Variants in PEX14 observed in about 807,000 individuals in gnomAD.
PEX14 encodes peroxisomal biogenesis factor 14.
In PEX14, 15 loss-of-function variants were observed where a neutral mutation model predicts 49.5. That is an observed-to-expected ratio of 0.30 (90% CI 0.20 to 0.47). PEX14 has a LOEUF of 0.47. Ranked by LOEUF, PEX14 falls within the 20% of genes least tolerant of loss-of-function variation. The probability of loss-of-function intolerance (pLI) is 1.00; values close to 1 mark genes in which losing one functional copy is unlikely to be tolerated. For missense variants in PEX14, 398 were observed against 494.8 expected (o/e 0.80, Z 1.86); for synonymous variants, 210 against 212.7 (o/e 0.99, Z 0.11).
At chr1:10,553,888 C>T (rs914691924) in intron 3 of PEX14, among the ~76,000 whole-genome samples, 8 of 152,194 alleles carry the variant, frequency 5.3e-5, no homozygotes, top group African/African-American at 1.7e-4. Context: ...CTTCCCTGCA[C>T]ACCTGTGACA....
At chr1:10,520,085 T>C (rs1638229436) in intron 2 of PEX14, among the ~76,000 whole-genome samples, 2 of 151,118 alleles carry the variant, frequency 1.3e-5, no homozygotes, top group Admixed American at 1.3e-4. Context: ...GGCGATCCTC[T>C]CACTTCAGTC....
At chr1:10,533,239 G>T (rs2480782) in intron 2 of PEX14, among the ~76,000 whole-genome samples, 10,160 of 151,976 alleles carry the variant, frequency 0.067, 505 homozygotes, top group East Asian at 0.15. Context: ...TAGTGATGTC[G>T]ATGCTGTTAA....
At chr1:10,594,199 C>T (rs1442857847) in intron 3 of PEX14, among the ~76,000 whole-genome samples, 2 of 152,190 alleles carry the variant, frequency 1.3e-5, no homozygotes, top group African/African-American at 4.8e-5. Context: ...TACTTTTCCC[C>T]TTCCCCTCCC....
At chr1:10,547,750 G>A (rs1639217707) in intron 3 of PEX14, among the ~76,000 whole-genome samples, 1 of 152,014 alleles carries the variant, frequency 6.6e-6, no homozygotes, top group South Asian at 2.1e-4. Context: ...ACAGATAAAG[G>A]GAGACTTCTG....
intron 3 of PEX14, among the ~76,000 whole-genome samples, chr1:10,594,400 C>A (rs1299757899): frequency 1.3e-5 from 2 of 152,172 alleles, no homozygotes; most frequent in Non-Finnish European, 2.9e-5. Context: ...AGAGGGGCTG[C>A]AGAGCGGGGA....
chr1:10,551,121 T>C (rs1639321884), intron 3 of PEX14, among the ~76,000 whole-genome samples: 1 of 152,184 alleles, frequency 6.6e-6, no homozygotes, highest in African/African-American at 2.4e-5. Flanking sequence ...AATGGTTACA[T>C]TACACAATCT....
At chr1:10,513,403 A>G (rs1160487148) in intron 2 of PEX14, among the ~76,000 whole-genome samples, 1 of 152,236 alleles carries the variant, frequency 6.6e-6, no homozygotes, top group African/African-American at 2.4e-5. Flanking sequence ...AGTTCCCACC[A>G]AAGACCAGTG....
At chr1:10,523,465 G>A (rs1419055616) in intron 2 of PEX14, among the ~76,000 whole-genome samples, 4 of 151,962 alleles carry the variant, frequency 2.6e-5, no homozygotes, top group African/African-American at 9.7e-5. Context: ...TCTGGCCCAG[G>A]TATCAGCGAC....
chr1:10,506,367 C>G (rs888770028), intron 2 of PEX14, among the ~76,000 whole-genome samples: 1 of 152,210 alleles, frequency 6.6e-6, no homozygotes, highest in Non-Finnish European at 1.5e-5. Flanking sequence ...CAACCTCTGC[C>G]TCCCAGGTTC....
chr1:10,619,898 GAGGTC>G (rs1348070001), intron 5 of PEX14, among the ~76,000 whole-genome samples: 2 of 151,768 alleles, frequency 1.3e-5, no homozygotes, highest in African/African-American at 4.8e-5. Flanking sequence ...ACTTGATCAC[GAGGTC>G]AGTAGATCGA....
At chr1:10,520,559 C>T (rs150719635) in intron 2 of PEX14, among the ~76,000 whole-genome samples, 11 of 152,244 alleles carry the variant, frequency 7.2e-5, no homozygotes, top group Non-Finnish European at 1.0e-4. Context: ...AGGGGCTACA[C>T]GTAGGCTCAG....
At chr1:10,618,216 C>A in intron 4 of PEX14, 116 bp from the exon 5 acceptor site, 1 of 751,956 alleles carries the variant, frequency 1.3e-6, no homozygotes, top group Non-Finnish European at 2.4e-6. Flanking sequence ...TTGGAGTGTT[C>A]CACTTGCCCA....
chr1:10,528,104 G>C (rs1462217584), intron 2 of PEX14: 1 of 152,688 alleles, frequency 6.5e-6, no homozygotes, highest in Admixed American at 6.5e-5. Context: ...CTTAGGGCAG[G>C]TGGCCCTAAG....
At chr1:10,546,402 CT>C (rs1289113611) in intron 3 of PEX14, among the ~76,000 whole-genome samples, 1 of 151,260 alleles carries the variant, frequency 6.6e-6, no homozygotes, top group Non-Finnish European at 1.5e-5. Context: ...CCTGTCTCTA[CT>C]AAAAATACAA....
intron 3 of PEX14, among the ~76,000 whole-genome samples, chr1:10,555,140 C>T (rs1438407244): frequency 1.3e-5 from 2 of 152,132 alleles, no homozygotes. Context: ...CCCAATAACA[C>T]ACCAACCTGC....
intron 2 of PEX14, among the ~76,000 whole-genome samples, chr1:10,502,823 G>A (rs1239275887): frequency 2.7e-5 from 4 of 146,442 alleles, no homozygotes; most frequent in Non-Finnish European, 6.0e-5. Flanking sequence ...TAATGACAGA[G>A]TCTTTCTCTG....
chr1:10,541,536 T>C (rs1284752394), intron 3 of PEX14, among the ~76,000 whole-genome samples: 1 of 152,212 alleles, frequency 6.6e-6, no homozygotes, highest in East Asian at 1.9e-4. Flanking sequence ...GAGCTGCTCG[T>C]GCGGAGCAGG....
intron 3 of PEX14, among the ~76,000 whole-genome samples, chr1:10,555,859 C>T (rs370434682): frequency 6.6e-6 from 1 of 152,326 alleles, no homozygotes; most frequent in African/African-American, 2.4e-5. Context: ...TTGCTTCATT[C>T]TGGCCCTCTG....
Position 10,500,675 on chromosome 1 carries a change from A to G in PEX14, c.84+5354A>G, listed in dbSNP as rs186221143. The stretch of plus-strand genomic sequence containing the variant: ...CTGCAACCTCTGTCTCCCGGGTTCA[A>G]GTGACTCTCTTGCCTTAGTCTCCTG... On this transcript the variant is annotated intron_variant, in intron 2 of 8. Coordinates refer to ENST00000356607, the MANE Select transcript of PEX14 (RefSeq NM_004565.3). Among the ~76,000 whole-genome samples the G allele has an allele frequency of 3.3e-5, 5 of 152,212 alleles. No individual in the cohort carries two copies. The East Asian group carries it at 5.8e-4, about 18-fold the overall frequency.
Sources: gnomAD v4.1 joint callset for allele counts (sites outside exome capture counted in the v4.1 genomes callset) on GRCh38, gnomAD v4.1.1 for gene constraint, MANE v1.5 for transcripts, NCBI Gene and HGNC (gene_info 2026-07-23, HGNC 2026-07-21) for gene names.